TCERG1L: variants seen among roughly 807,000 people sequenced by gnomAD.
The protein encoded by TCERG1L is transcription elongation regulator 1-like protein.
A neutral mutation model predicts 56.3 loss-of-function variants in TCERG1L; 37 were observed. That is an observed-to-expected ratio of 0.66 (90% confidence interval 0.51 to 0.87). TCERG1L has a LOEUF of 0.87. TCERG1L is among the 40% of genes least tolerant of loss of function. TCERG1L has a pLI of 0.00. For missense variants in TCERG1L, 799 were observed against 774.2 expected (o/e 1.03, Z -0.38); for synonymous variants, 324 against 326.3 (o/e 0.99, Z 0.08).
At chr10:131,251,228 C>A (rs1364939924) in intron 4 of TCERG1L, among the ~76,000 whole-genome samples, 1 of 152,208 alleles carries the variant, frequency 6.6e-6, no homozygotes, top group African/African-American at 2.4e-5. Context: ...CTCCCACGCC[C>A]TTCTGCCCAG....
intron 3 of TCERG1L, among the ~76,000 whole-genome samples, chr10:131,288,769 A>G (rs1846574696): frequency 6.6e-6 from 1 of 152,036 alleles, no homozygotes; most frequent in African/African-American, 2.4e-5. Context: ...GACCACGGAG[A>G]CACAGAGGTT....
chr10:131,120,378 G>A (rs1306573840), intron 8 of TCERG1L, among the ~76,000 whole-genome samples: 4 of 152,284 alleles, frequency 2.6e-5, no homozygotes, highest in African/African-American at 9.6e-5. Flanking sequence ...TCCATCTGAG[G>A]CTGGGGAACT....
At chr10:131,212,074 C>T (rs890887693) in intron 4 of TCERG1L, among the ~76,000 whole-genome samples, 4 of 152,148 alleles carry the variant, frequency 2.6e-5, no homozygotes, top group African/African-American at 7.2e-5. Flanking sequence ...ACATTATCCT[C>T]ATCTCCCACA....
intron 4 of TCERG1L, among the ~76,000 whole-genome samples, chr10:131,167,739 G>A (rs990088178): frequency 6.6e-6 from 1 of 152,184 alleles, no homozygotes; most frequent in Non-Finnish European, 1.5e-5. Context: ...TTTTCCAGGG[G>A]GCCGGACCCA....
intron 3 of TCERG1L, among the ~76,000 whole-genome samples, chr10:131,279,722 G>T (rs955937029): frequency 6.6e-6 from 1 of 152,200 alleles, no homozygotes; most frequent in Non-Finnish European, 1.5e-5. Context: ...AGCAACCCTT[G>T]ACTGAGCCAG....
chr10:131,231,941 C>T (rs565957986), intron 4 of TCERG1L, among the ~76,000 whole-genome samples: 12 of 152,182 alleles, frequency 7.9e-5, no homozygotes, highest in African/African-American at 2.6e-4. Flanking sequence ...GAAGGAAGGC[C>T]GTAGGAAGTT....
chr10:131,199,775 A>G (rs1845409776), intron 4 of TCERG1L, among the ~76,000 whole-genome samples: 1 of 152,212 alleles, frequency 6.6e-6, no homozygotes, highest in Admixed American at 6.5e-5. Flanking sequence ...ACAGCCAATC[A>G]CTAAACAGTG....
chr10:131,109,733 C>T (rs1845392103), intron 9 of TCERG1L, among the ~76,000 whole-genome samples: 1 of 152,206 alleles, frequency 6.6e-6, no homozygotes, highest in Admixed American at 6.5e-5. Flanking sequence ...CACTCTCAGC[C>T]TCCTGCAGCG....
intron 4 of TCERG1L, among the ~76,000 whole-genome samples, chr10:131,174,084 G>A (rs918760547): frequency 6.6e-6 from 1 of 152,154 alleles, no homozygotes; most frequent in East Asian, 1.9e-4. Flanking sequence ...GGGTCCTCTG[G>A]TCCATCCCCA....
At chr10:131,134,847 G>T (rs917337928) in intron 7 of TCERG1L, among the ~76,000 whole-genome samples, 3 of 152,130 alleles carry the variant, frequency 2.0e-5, no homozygotes, top group African/African-American at 7.2e-5. Context: ...CCCAGGGAAG[G>T]GTGGCCCCCA....
intron 3 of TCERG1L, among the ~76,000 whole-genome samples, chr10:131,281,154 T>C (rs894619704): frequency 1.3e-5 from 2 of 152,216 alleles, no homozygotes; most frequent in African/African-American, 4.8e-5. Context: ...TCATTAAATT[T>C]CCCACTTCTA....
Position 131,103,838 on chromosome 10 carries a change from T to C in TCERG1L, c.1485+427A>G, listed in dbSNP as rs1845325984. Among the ~76,000 whole-genome samples, 1 of 152,204 alleles carries C rather than the reference T, an allele frequency of 6.6e-6. No homozygotes were observed. Among genetic ancestry groups the C allele is most frequent in the African/African-American group, 2.4e-5 (1 of 41,450 alleles). Reference sequence around the variant, plus strand: ...CTCCATTCTATTTGTTAGGGGTTTCTTAACATTAGTGACTTCATTTTGATT... The same window carrying C: ...CTCCATTCTATTTGTTAGGGGTTTCCTAACATTAGTGACTTCATTTTGATT... On this transcript the variant is annotated intron_variant, in intron 10 of 11. Coordinates refer to ENST00000368642, the MANE Select transcript of TCERG1L (RefSeq NM_174937.4). This position sits in a 1 kb window ranked among gnomAD's most constrained non-coding sequence, Gnocchi z 4.3.
chr10:131,160,440 C>T (rs10829937), intron 6 of TCERG1L, among the ~76,000 whole-genome samples: 1 of 151,422 alleles, frequency 6.6e-6, no homozygotes, highest in Non-Finnish European at 1.5e-5. Context: ...CCTGAAGCCC[C>T]TGGCCCTACA....
intron 4 of TCERG1L, among the ~76,000 whole-genome samples, chr10:131,250,180 G>A (rs767507429): frequency 8.5e-5 from 13 of 152,202 alleles, no homozygotes; most frequent in Non-Finnish European, 1.3e-4. Context: ...GATCCTCCCA[G>A]AGGCTGTCAA....
chr10:131,281,997 G>T (rs192059382), intron 3 of TCERG1L, among the ~76,000 whole-genome samples: 5,613 of 151,932 alleles, frequency 0.037, 130 homozygotes, highest in African/African-American at 0.056. Flanking sequence ...TTAGCCAGGC[G>T]CGGTGGCGGG....
chr10:131,130,461 A>G (rs1845606260), intron 8 of TCERG1L, among the ~76,000 whole-genome samples: 1 of 152,152 alleles, frequency 6.6e-6, no homozygotes, highest in Admixed American at 6.5e-5. Context: ...TGTCCCCCTC[A>G]TGTGACCATT....
intron 4 of TCERG1L, among the ~76,000 whole-genome samples, chr10:131,218,811 G>A (rs1043034201): frequency 7.9e-5 from 12 of 152,294 alleles, no homozygotes; most frequent in South Asian, 2.1e-4. Context: ...GCAGCTTGGC[G>A]ACCTCCATGT....
chr10:131,121,259 A>G (rs1306484956), intron 8 of TCERG1L, among the ~76,000 whole-genome samples: 1 of 152,108 alleles, frequency 6.6e-6, no homozygotes, highest in Non-Finnish European at 1.5e-5. Flanking sequence ...GATTCTGGAG[A>G]GGCCTGTCTG....
chr10:131,212,155 G>T (rs1212785089), intron 4 of TCERG1L, among the ~76,000 whole-genome samples: 2 of 152,208 alleles, frequency 1.3e-5, no homozygotes, highest in African/African-American at 4.8e-5. Flanking sequence ...TGCAGGCTAA[G>T]GTTGTGTCTG....
Sources: allele counts gnomAD v4.1 joint callset (sites outside exome capture counted in the v4.1 genomes callset), GRCh38; gene constraint gnomAD v4.1.1; non-coding constraint Gnocchi (gnomAD v3.1); transcripts MANE v1.5; gene names NCBI Gene and HGNC (gene_info 2026-07-23, HGNC 2026-07-21).